The following GRK5 variants were observed in gnomAD, a reference collection of about 807,000 sequenced individuals.
GRK5 encodes g protein-coupled receptor kinase GRK5.
Under a neutral mutation model 78.4 loss-of-function variants are expected in GRK5, and 40 were observed. The observed-to-expected ratio is 0.51, with a 90% CI of 0.40 to 0.66. The LOEUF is 0.66. Among genes scored for constraint, GRK5 ranks in the 30% least tolerant of loss-of-function variants. GRK5 has a pLI of 0.00. For synonymous variants in GRK5, 289 were observed against 296.8 expected (o/e 0.97, Z 0.27); for missense variants, 598 against 759.9 (o/e 0.79, Z 2.50).
At chr10:119,304,856 T>A (rs1174313916) in intron 1 of GRK5, among the ~76,000 whole-genome samples, 1 of 152,218 alleles carries the variant, frequency 6.6e-6, no homozygotes, top group Non-Finnish European at 1.5e-5. Flanking sequence ...GAAAGGCAGT[T>A]GTTCGCTTAA....
At chr10:119,277,885 G>C (rs1317795469) in intron 1 of GRK5, among the ~76,000 whole-genome samples, 1 of 152,140 alleles carries the variant, frequency 6.6e-6, no homozygotes, top group Non-Finnish European at 1.5e-5. Context: ...TCAGCATGAA[G>C]ATTTTGAGAT....
chr10:119,441,250 G>T (rs547528506), intron 10 of GRK5, among the ~76,000 whole-genome samples: 1 of 152,360 alleles, frequency 6.6e-6, no homozygotes, highest in South Asian at 2.1e-4. Context: ...CACGGCTCCA[G>T]CCTGGCGGGG....
intron 2 of GRK5, among the ~76,000 whole-genome samples, chr10:119,342,656 C>T (rs1440993078): frequency 6.6e-6 from 1 of 152,160 alleles, no homozygotes; most frequent in Non-Finnish European, 1.5e-5. Flanking sequence ...CAGGTCCCGC[C>T]AGCTTAAGTT....
chr10:119,209,487 GTTTTTTTTTTTT>G (rs60169912), intron 1 of GRK5, among the ~76,000 whole-genome samples: 48,246 of 99,838 alleles, frequency 0.48, 9,598 homozygotes, highest in East Asian at 0.64. Context: ...TGTGTGTGTG[GTTTTTTTTTTTT>G]TTTTTTTTTT....
Position 119,436,754 on chromosome 10 carries a change from C to T in GRK5, c.842C>T (p.Pro281Leu), listed in dbSNP as rs747849563. The T allele has an allele frequency of 1.2e-6, 2 of 1,614,232 alleles. No individual in the cohort carries two copies. Among genetic ancestry groups the T allele is most frequent in the Admixed American group, 1.7e-5 (1 of 60,028 alleles). ...TTCCACATCTACAACATGGGCAACC[C>T]TGGCTTCGAGGAGGAGCGGGCCTTG... ...LKFHIYNMGN[P>L]GFEEERALFY... is the part of the protein sequence containing the mutation. The change falls in exon 9 of 16, where the codon CCT (proline) becomes CTT (leucine). Residue 281 changes from proline to leucine, a missense_variant. Physicochemically the swap from Pro to Leu is moderately conservative, Grantham distance 98. Coordinates refer to ENST00000392870, the MANE Select transcript of GRK5 (RefSeq NM_005308.3).
In GRK5 at chr10:119,452,570, TG is replaced by T; in HGVS notation, c.1405-98del. The T allele has an allele frequency of 7.1e-7, 1 of 1,416,300 alleles. No homozygotes were observed. The highest frequency in any genetic ancestry group is 9.7e-7 in the Non-Finnish European group (1 of 1,028,790). 87.7% of individuals were successfully genotyped at this position (1,416,300 alleles called of 1,614,324 possible). On this transcript the variant is annotated intron_variant, in intron 13 of 15. Coordinates refer to ENST00000392870, the MANE Select transcript of GRK5 (RefSeq NM_005308.3). The surrounding 1 kb of genome is among the most constrained non-coding windows in gnomAD (Gnocchi z 4.4). ...CCATAGCAGTTCTGGGGGTGTGTCC[TG>T]GGAAGACTCCCTTCTGCTCCCCAAA...
At chr10:119,434,601 G>T (rs1852884218) in intron 8 of GRK5, among the ~76,000 whole-genome samples, 1 of 152,260 alleles carries the variant, frequency 6.6e-6, no homozygotes, top group Non-Finnish European at 1.5e-5. Context: ...CAAGACGTGG[G>T]TTCCCACGGT....
chr10:119,226,288 T>C (rs201594004), intron 1 of GRK5, among the ~76,000 whole-genome samples: 1 of 150,584 alleles, frequency 6.6e-6, no homozygotes, highest in African/African-American at 2.4e-5. Context: ...TCTTCTTCTT[T>C]TTCTTTTTTT....
chr10:119,293,635 C>A (rs1209872319), intron 1 of GRK5, among the ~76,000 whole-genome samples: 1 of 152,170 alleles, frequency 6.6e-6, no homozygotes, highest in Non-Finnish European at 1.5e-5. Flanking sequence ...TACATTCCTC[C>A]TTCCGGATAG....
intron 9 of GRK5, 120 bp downstream of exon 9, chr10:119,436,961 G>A (rs1589809888): frequency 2.2e-6 from 2 of 915,990 alleles, no homozygotes; most frequent in Non-Finnish European, 3.2e-6. Context: ...AGCACCAGGG[G>A]AGGATGCAGA....
intron 1 of GRK5, among the ~76,000 whole-genome samples, chr10:119,309,750 T>C (rs1229339958): frequency 1.3e-5 from 2 of 152,316 alleles, no homozygotes; most frequent in East Asian, 3.9e-4. Flanking sequence ...TGCTGGTTTT[T>C]GCTTCTGTGG....
At chr10:119,360,713 G>T (rs1159944912) in intron 2 of GRK5, among the ~76,000 whole-genome samples, 5 of 152,192 alleles carry the variant, frequency 3.3e-5, no homozygotes, top group Non-Finnish European at 7.4e-5. Context: ...TTGAGGCTAA[G>T]TTAGGAGAAG....
intron 3 of GRK5, among the ~76,000 whole-genome samples, chr10:119,388,470 G>A (rs1232265775): frequency 2.0e-5 from 3 of 152,160 alleles, no homozygotes; most frequent in South Asian, 2.1e-4. Flanking sequence ...CCTAGTAGCT[G>A]GGATTACAGG....
chr10:119,242,398 G>A (rs915677001), intron 1 of GRK5, among the ~76,000 whole-genome samples: 4 of 151,522 alleles, frequency 2.6e-5, no homozygotes, highest in Admixed American at 6.6e-5. Context: ...CTGCATTGAC[G>A]TCAGGAAGGC....
At chr10:119,442,130 CCACCTGCT>C in intron 11 of GRK5, 42 bp downstream of exon 11, 1 of 1,532,088 alleles carries the variant, frequency 6.5e-7, no homozygotes, top group African/African-American at 1.4e-5. Flanking sequence ...TTGAGACCCA[CCACCTGCT>C]CACCGCCGGC....
chr10:119,245,686 A>G (rs957892437), intron 1 of GRK5, among the ~76,000 whole-genome samples: 2 of 152,202 alleles, frequency 1.3e-5, no homozygotes, highest in Non-Finnish European at 2.9e-5. Context: ...GGTCTGCTGT[A>G]TAACATTGTG....
chr10:119,219,328 C>G (rs1848626801), intron 1 of GRK5, among the ~76,000 whole-genome samples: 1 of 152,220 alleles, frequency 6.6e-6, no homozygotes, highest in African/African-American at 2.4e-5. Flanking sequence ...ATCCTCCTGC[C>G]TCAGCCTCCA....
At chr10:119,433,201 A>C (rs1278104658) in intron 8 of GRK5, among the ~76,000 whole-genome samples, 1 of 152,200 alleles carries the variant, frequency 6.6e-6, no homozygotes, top group Non-Finnish European at 1.5e-5. Context: ...AGGTGTGGGC[A>C]GTGCCATGGT....
At chr10:119,236,624 G>A (rs1848936813) in intron 1 of GRK5, among the ~76,000 whole-genome samples, 1 of 151,976 alleles carries the variant, frequency 6.6e-6, no homozygotes, top group Non-Finnish European at 1.5e-5. Context: ...TTGTGTAGCA[G>A]CATTTGTCTG....
Sources: gnomAD v4.1 joint callset for allele counts (sites outside exome capture counted in the v4.1 genomes callset) on GRCh38, gnomAD v4.1.1 for gene constraint, Gnocchi (gnomAD v3.1) non-coding constraint, MANE v1.5 for transcripts, NCBI Gene and HGNC (gene_info 2026-07-23, HGNC 2026-07-21) for gene names.